KLC3: variants seen among roughly 807,000 people sequenced by gnomAD.
The protein encoded by KLC3 is kinesin light chain 3.
Under a neutral mutation model 62.9 loss-of-function variants are expected in KLC3, and 72 were observed. The ratio of observed to expected loss-of-function variants is 1.15; its 90% CI spans 0.95 to 1.39. The LOEUF is 1.39. Among genes scored for constraint, KLC3 ranks in the 40% most tolerant of loss-of-function variants. The pLI, the probability that KLC3 is intolerant of heterozygous loss-of-function variation, is 0.00. For missense variants in KLC3, 848 were observed against 691.6 expected (o/e 1.23, Z -2.54); for synonymous variants, 377 against 300.5 (o/e 1.25, Z -2.63).
chr19:45,349,590 C>T lies in KLC3; in HGVS notation c.1131C>T (p.Thr377=). The change falls in exon 8 of 13, where the codon ACC becomes ACT. Residue 377 remains threonine (T), a synonymous_variant. Transcript: ENST00000391946. ...CCCATGACCCCAACGTGGCCAAGAC[C>T]AAGAACAACCTGGTGAGGCCCCTGG... The part of the protein sequence containing the change: ...GGPHDPNVAK[T]KNNLASAYLK... 2 of 1,611,288 alleles carry T rather than the reference C, an allele frequency of 1.2e-6. No individual in the cohort carries two copies. Among genetic ancestry groups the T allele is most frequent in the South Asian group, 1.1e-5 (1 of 90,886 alleles).
rs755400088 is a variant in KLC3 at position 45,348,172 on chromosome 19, G to A, written c.779+12G>A. 1.0e-5 allele frequency: 16 copies of A among 1,558,824 alleles called. No homozygotes were observed. Among genetic ancestry groups the A allele is most frequent in the Middle Eastern group, 2.1e-4 (1 of 4,654 alleles). The stretch of plus-strand genomic sequence containing the variant: ...GCGCTGGTGTACCGGTGAGCACTGC[G>A]GCCAGCCATGGCTGGGGGCAGGAAC... On this transcript the variant is annotated intron_variant, in intron 5 of 12. Coordinates refer to ENST00000391946, the MANE Select transcript of KLC3 (RefSeq NM_177417.3).
At position 45,350,685 on chromosome 19, in the gene KLC3, C is replaced by T; in HGVS notation, c.1317C>T (p.Ile439=). ...SSSLSKIRES[I]RRGSEKLVSR... is the part of the protein sequence containing the mutation. ...CACTCTCCAAGATCCGTGAGTCTAT[C>T]AGGCGAGGAAGTGAGAAGCTGGTCT... Residue 439 remains isoleucine, a synonymous_variant, in exon 11 of 13, where the codon ATC becomes ATT. Transcript: ENST00000391946. The T allele has an allele frequency of 6.2e-7, 1 of 1,613,898 alleles. No homozygotes were observed. Among genetic ancestry groups the T allele is most frequent in the South Asian group, 1.1e-5 (1 of 91,022 alleles).
rs565439264 is a variant in KLC3 at position 45,349,057 on chromosome 19, G to GATCACCCAACCC, written c.969+144_969+155dup. Reference sequence around the variant, plus strand: ...ATTGGGAGACCCCAGTTGGAGCCTAGATCACCCAACCCATCACCCTTGACC... The same window carrying GATCACCCAACCC: ...ATTGGGAGACCCCAGTTGGAGCCTAGATCACCCAACCCATCACCCAACCCATCACCCTTGACC... On this transcript the variant is annotated intron_variant, in intron 7 of 12. Transcript: ENST00000391946. The GATCACCCAACCC allele has an allele frequency of 3.8e-4, 287 of 760,328 alleles. 1 individual carries two copies. In the African/African-American group the frequency reaches 4.4e-3, roughly 12 times the overall value. 47.1% of individuals were successfully genotyped at this position (760,328 alleles called of 1,614,324 possible). A position where few individuals can be genotyped will look rare whatever the true frequency, so the allele number is the denominator to read the frequency against.
chr19:45,349,071 TC>T (rs748386832), intron 7 of KLC3, 150 bp downstream of exon 7: 123 of 713,758 alleles, frequency 1.7e-4, no homozygotes, highest in Middle Eastern at 2.8e-4. Flanking sequence ...ACCCAACCCA[TC>T]ACCCTTGACC....
intron 1 of KLC3, among the ~76,000 whole-genome samples, chr19:45,341,127 G>T (rs1971384349): frequency 6.6e-6 from 1 of 152,006 alleles, no homozygotes; most frequent in African/African-American, 2.4e-5. Flanking sequence ...GGCAGGCCAG[G>T]GTAAGTTGGT....
intron 1 of KLC3, among the ~76,000 whole-genome samples, chr19:45,341,462 T>G (rs1971392303): frequency 6.6e-6 from 1 of 152,004 alleles, no homozygotes; most frequent in Non-Finnish European, 1.5e-5. Flanking sequence ...GCTGTGTGTG[T>G]GGCTGTCTTC....
chr19:45,350,167 A>T, intron 8 of KLC3, 174 bp from the exon 9 acceptor site: 1 of 606,364 alleles, frequency 1.6e-6, no homozygotes, highest in East Asian at 2.8e-5. Context: ...CACGCTTGTA[A>T]CCCCAACACT....
At chr19:45,348,623 C>T (rs745994835) in intron 5 of KLC3, 23 bp from the exon 6 acceptor site, 3 of 1,556,562 alleles carry the variant, frequency 1.9e-6, no homozygotes, top group Admixed American at 1.9e-5. Flanking sequence ...TAACCCCCTC[C>T]ATTCCTGGGG....
chr19:45,347,639 C>G, intron 4 of KLC3, 123 bp downstream of exon 4: 1 of 883,816 alleles, frequency 1.1e-6, no homozygotes, highest in Non-Finnish European at 1.7e-6. Flanking sequence ...TGAGGAGGAC[C>G]CTGAATGTGA....
Position 45,345,669 on chromosome 19 carries a change from G to T in KLC3, c.128G>T (p.Gly43Val), listed in dbSNP as rs1368156129. The change falls in exon 2 of 13, where the codon GGC becomes GTC. Residue 43 changes from glycine (G) to valine (V), a missense_variant. Transcript: ENST00000391946. ...GAGGCGCTGCGGGCAGAGCACCATG[G>T]CCTGGCTGGGCACCTGGCGGAGGCC... The part of the protein sequence containing the change: ...GLEALRAEHH[G>V]LAGHLAEALA... 6.3e-7 allele frequency: 1 copy of T among 1,580,232 alleles called. No individual in the cohort carries two copies. Among genetic ancestry groups the T allele is most frequent in the Non-Finnish European group, 8.6e-7 (1 of 1,164,458 alleles).
chr19:45,350,827 C>G, intron 11 of KLC3, 80 bp downstream of exon 11: 1 of 1,210,894 alleles, frequency 8.3e-7, no homozygotes, highest in Non-Finnish European at 1.2e-6. Context: ...CCATCTTGCT[C>G]AAGAACCTTC....
chr19:45,342,249 T>C (rs1033401258), intron 1 of KLC3, among the ~76,000 whole-genome samples: 5 of 151,956 alleles, frequency 3.3e-5, no homozygotes, highest in African/African-American at 4.8e-5. Flanking sequence ...ATTTATGATG[T>C]TTGTGTGTGA....
chr19:45,350,902 AGG>A, intron 11 of KLC3, 50 bp from the exon 12 acceptor site: 20 of 1,581,308 alleles, frequency 1.3e-5, no homozygotes, highest in Non-Finnish European at 1.6e-5. Context: ...TCCCTCGTGG[AGG>A]GGGGCCACTC....
At position 45,347,922 on chromosome 19, in the gene KLC3, C is replaced by A; in HGVS notation, c.560-19C>A. ...GCAGGAGGCTTGCAGTGACCCAGAGCCCACCCCACCCCACCTAGGTCCTGA... is the reference window on the plus strand; with the variant it reads ...GCAGGAGGCTTGCAGTGACCCAGAGACCACCCCACCCCACCTAGGTCCTGA... On this transcript the variant is annotated intron_variant, in intron 4 of 12. Coordinates refer to ENST00000391946, the MANE Select transcript of KLC3 (RefSeq NM_177417.3). 6.3e-7 allele frequency: 1 copy of A among 1,575,442 alleles called. No individual in the cohort carries two copies. The highest frequency in any genetic ancestry group is 1.8e-5 in the Admixed American group (1 of 56,012).
chr19:45,349,560 C>T lies in KLC3; in HGVS notation c.1101C>T (p.Gly367=), dbSNP rs376440924. ...ARALSIYEAL[G]GPHDPNVAKT... ...CCCTGAGCATCTATGAGGCACTGGG[C>T]GGGCCCCATGACCCCAACGTGGCCA... Residue 367 remains glycine, a synonymous_variant, in exon 8 of 13, where the codon GGC becomes GGT. Coordinates refer to ENST00000391946, the MANE Select transcript of KLC3 (RefSeq NM_177417.3). The T allele has an allele frequency of 5.4e-5, 87 of 1,613,632 alleles. No individual in the cohort carries two copies. Among genetic ancestry groups the T allele is most frequent in the South Asian group, 2.3e-4 (21 of 91,068 alleles).
intron 1 of KLC3, among the ~76,000 whole-genome samples, chr19:45,343,109 A>C (rs1194837548): frequency 6.6e-6 from 1 of 151,800 alleles, no homozygotes; most frequent in Admixed American, 6.6e-5. Flanking sequence ...GAGGGAGAGG[A>C]AGTAGGGAAA....
intron 1 of KLC3, among the ~76,000 whole-genome samples, chr19:45,341,216 C>T (rs1971387841): frequency 9.0e-6 from 1 of 111,052 alleles, no homozygotes; most frequent in Non-Finnish European, 2.0e-5. Context: ...GTGTGTGTGG[C>T]TTTGCGTGTG....
chr19:45,350,821 C>A, intron 11 of KLC3, 74 bp downstream of exon 11: 1 of 1,263,216 alleles, frequency 7.9e-7, no homozygotes, highest in Non-Finnish European at 1.1e-6. Context: ...CCACCCCCAT[C>A]TTGCTCAAGA....
At chr19:45,351,189 T>A (rs1971749901) in intron 12 of KLC3, 97 bp from the exon 13 acceptor site, 25 of 1,583,272 alleles carry the variant, frequency 1.6e-5, no homozygotes. Flanking sequence ...GGCGAGGGGG[T>A]TGGATAGTTG....
Sources: allele counts gnomAD v4.1 joint callset (sites outside exome capture counted in the v4.1 genomes callset), GRCh38; gene constraint gnomAD v4.1.1; transcripts MANE v1.5; gene names NCBI Gene and HGNC (gene_info 2026-07-23, HGNC 2026-07-21).